The following MYOG variants were observed in gnomAD, a reference collection of about 807,000 sequenced individuals.
The protein encoded by MYOG is class C basic helix-loop-helix protein 3.
In MYOG, 6 loss-of-function variants were observed where a neutral mutation model predicts 17.7. That is an observed-to-expected ratio of 0.34 (90% confidence interval 0.19 to 0.67). The LOEUF (loss-of-function observed/expected upper bound fraction) is 0.67. Among genes scored for constraint, MYOG ranks in the 30% least tolerant of loss-of-function variants. The pLI is 0.69. For missense variants in MYOG, 272 were observed against 302.0 expected, an observed-to-expected ratio of 0.90 and a Z score of 0.74; for synonymous variants, 125 against 130.2, an observed-to-expected ratio of 0.96 and a Z score of 0.27.
chr1:203,084,100 T>TG, intron 2 of MYOG, 69 bp from the exon 3 acceptor site: 4 of 1,548,214 alleles, frequency 2.6e-6, no homozygotes, highest in Non-Finnish European at 3.5e-6. Context: ...GAATAGAGGA[T>TG]GGGACCCTTG....
Position 203,085,526 on chromosome 1 carries a change from G to T in MYOG, c.436C>A (p.Leu146Ile). 1 of 1,613,920 alleles carries T rather than the reference G, an allele frequency of 6.2e-7. No individual in the cohort carries two copies. The highest frequency in any genetic ancestry group is 1.1e-5 in the South Asian group (1 of 91,076). The stretch of plus-strand genomic sequence containing the variant: ...GGCCCGCCCCCGCCCCGGTAGCGGA[G>T]GTCACGCTCCTCCTGGTTGAGGGAG... ...LSSLNQEERD[L>I]RYRGGGGPQP... is the part of the protein sequence containing the mutation. Residue 146 changes from leucine (L) to isoleucine (I), a missense_variant, in exon 1 of 3, where the codon CTC becomes ATC. Leu to Ile is a conservative substitution (Grantham distance 5, BLOSUM62 2). Coordinates refer to ENST00000241651, the MANE Select transcript of MYOG (RefSeq NM_002479.6).
intron 1 of MYOG, 109 bp from the exon 2 acceptor site, chr1:203,084,837 C>T: frequency 8.6e-7 from 1 of 1,161,890 alleles, no homozygotes; most frequent in Non-Finnish European, 1.2e-6. Context: ...GAGGGTGGGC[C>T]ACAGGCTGTG....
chr1:203,085,256 C>CACCCCA (rs1558114698), intron 1 of MYOG, among the ~76,000 whole-genome samples: 1 of 152,204 alleles, frequency 6.6e-6, no homozygotes, highest in African/African-American at 2.4e-5. Context: ...CTATGTTCCC[C>CACCCCA]ACCCCAACCC....
rs1412450920 is a variant in MYOG, at chr1:203,083,337, A to G, written c.*573T>C. The G allele has an allele frequency of 5.0e-6, 1 of 199,720 alleles. No homozygotes were observed. Among genetic ancestry groups the G allele is most frequent in the East Asian group, 1.2e-4 (1 of 8,596 alleles). The allele number at this position is 199,720 out of a possible 1,614,324, so 12.4% of individuals were successfully genotyped here. ...GAGACCTTGGTCGGATGGCAGCTTTACAAACAACACACGAAACAAAACAAA... is the reference window on the plus strand; with the variant it reads ...GAGACCTTGGTCGGATGGCAGCTTTGCAAACAACACACGAAACAAAACAAA... On this transcript the variant is annotated 3_prime_UTR_variant, in exon 3 of 3. Transcript: ENST00000241651.
chr1:203,084,537 A>C, intron 2 of MYOG, 110 bp downstream of exon 2: 1 of 1,001,532 alleles, frequency 1.0e-6, no homozygotes, highest in Non-Finnish European at 1.5e-6. Flanking sequence ...AGGTCCCTAG[A>C]GAGACCCAAG....
Position 203,085,718 on chromosome 1 carries a change from G to A in MYOG, c.244C>T (p.Arg82Trp), listed in dbSNP as rs771392128. The change falls in exon 1 of 3, where the codon CGG becomes TGG. Residue 82 changes from arginine to tryptophan, a missense_variant. Transcript: ENST00000241651. ...TCCCTCAGTGTGGCCGCCCGCCGCC[G>A]GTCCACGGACACCGACTTCCTCTTA... is the stretch of plus-strand genomic sequence containing the variant. Reference protein sequence around the residue: ...VCKRKSVSVDRRRAATLREKR... With the variant: ...VCKRKSVSVDWRRAATLREKR... 2 of 1,613,986 alleles carry A rather than the reference G, an allele frequency of 1.2e-6. No homozygotes were observed. Among genetic ancestry groups the A allele is most frequent in the African/African-American group, 1.3e-5 (1 of 74,922 alleles).
In MYOG at chr1:203,083,976, G is replaced by A. The variant is rs745713682; in HGVS notation, c.609C>T (p.Ser203=). 1.3e-6 allele frequency: 2 copies of A among 1,593,390 alleles called. No individual in the cohort carries two copies. The highest frequency in any genetic ancestry group is 3.5e-5 in the Admixed American group (2 of 56,664). Residue 203 remains serine, a synonymous_variant, in exon 3 of 3, where the codon TCC becomes TCT. Coordinates refer to ENST00000241651, the MANE Select transcript of MYOG (RefSeq NM_002479.6). ...TDAHNLHSLT[S]IVDSITVEDV... is the part of the protein sequence containing the mutation. Reference sequence around the variant, plus strand: ...CTTCCACTGTGATGCTGTCCACGATGGAGGTGAGGGAGTGCAGGTTGTGGG... The same window carrying A: ...CTTCCACTGTGATGCTGTCCACGATAGAGGTGAGGGAGTGCAGGTTGTGGG...
chr1:203,083,183 CAAAA>C lies in MYOG; in HGVS notation c.*723_*726del, dbSNP rs71142588. Reference sequence around the variant, plus strand: ...AAAAAAGGAAATCCAAATAAGTTAGCAAAAAAAAAAAAAAAAAAAAAAAATACAA... The same window carrying C: ...AAAAAAGGAAATCCAAATAAGTTAGCAAAAAAAAAAAAAAAAAAAATACAA... On this transcript the variant is annotated 3_prime_UTR_variant, in exon 3 of 3. Transcript: ENST00000241651. The C allele has an allele frequency of 0.19, 18,472 of 99,780 alleles. 1,369 individuals carry two copies. Among genetic ancestry groups the C allele is most frequent in the South Asian group, 0.34 (1,008 of 2,956 alleles). The allele number at this position is 99,780 out of a possible 1,614,324, so 6.2% of individuals were successfully genotyped here.
In MYOG at chr1:203,083,871, TTG is replaced by T. The variant is rs1558114130; in HGVS notation, c.*37_*38del. ...AGAAGTAGTGGCATCTGTGGCCAGCTTGGGGGGCTCGCAAGGATGCCCGGCTT... is the reference window on the plus strand; with the variant it reads ...AGAAGTAGTGGCATCTGTGGCCAGCTGGGGGCTCGCAAGGATGCCCGGCTT... On this transcript the variant is annotated 3_prime_UTR_variant, in exon 3 of 3. Coordinates refer to ENST00000241651, the MANE Select transcript of MYOG (RefSeq NM_002479.6). 6.4e-7 allele frequency: 1 copy of T among 1,573,836 alleles called. No homozygotes were observed. The highest frequency in any genetic ancestry group is 1.9e-5 in the Admixed American group (1 of 53,434).
chr1:203,085,618 C>T lies in MYOG; in HGVS notation c.344G>A (p.Arg115Gln), dbSNP rs763960867. Reference protein sequence around the residue: ...KRSTLLNPNQRLPKVEILRSA... With the variant: ...KRSTLLNPNQQLPKVEILRSA... ...GCGCAGGATCTCCACCTTGGGCAGC[C>T]GCTGGTTGGGGTTGAGCAGGGTGCT... The change falls in exon 1 of 3, where the codon CGG (arginine) becomes CAG (glutamine). Residue 115 changes from arginine (R) to glutamine (Q), a missense_variant. Transcript: ENST00000241651. 19 of 1,614,034 alleles carry T rather than the reference C, an allele frequency of 1.2e-5. No individual in the cohort carries two copies. Among genetic ancestry groups the T allele is most frequent in the Middle Eastern group, 1.6e-4 (1 of 6,084 alleles).
intron 1 of MYOG, 83 bp from the exon 2 acceptor site, chr1:203,084,811 A>G: frequency 7.2e-7 from 1 of 1,396,578 alleles, no homozygotes. Flanking sequence ...GGGCAGAAGT[A>G]CCTGTGGTGG....
intron 2 of MYOG, among the ~76,000 whole-genome samples, 160 bp from the exon 3 acceptor site, chr1:203,084,191 TGTGA>T (rs1302916209): frequency 6.1e-5 from 7 of 115,006 alleles, no homozygotes; most frequent in African/African-American, 2.3e-4. Flanking sequence ...CCCCATGCTC[TGTGA>T]GTGTGTGTGT....
chr1:203,085,457 C>T, intron 1 of MYOG, 34 bp downstream of exon 1: 1 of 1,573,718 alleles, frequency 6.4e-7, no homozygotes, highest in Non-Finnish European at 8.6e-7. Flanking sequence ...CTGGCCCCGT[C>T]CCCTTGGGGC....
intron 2 of MYOG, 119 bp from the exon 3 acceptor site, chr1:203,084,150 T>C: frequency 7.6e-7 from 1 of 1,315,282 alleles, no homozygotes; most frequent in Non-Finnish European, 1.0e-6. Flanking sequence ...ATGACAAAGC[T>C]CCGGAGTTCT....
In MYOG at chr1:203,084,195, A is replaced by AGTGTGTGTGTGTGTGTGTGTGTGT. The variant is rs3835486; in HGVS notation, c.554-188_554-165dup. ...TCCCTGCCTTTCCCCATGCTCTGTG[A>AGTGTGTGTGTGTGTGTGTGTGTGT]GTGTGTGTGTGTGTGTGTGTGTGTG... On this transcript the variant is annotated intron_variant, in intron 2 of 2. Transcript: ENST00000241651. Among the ~76,000 whole-genome samples, 603 of 135,474 alleles carry AGTGTGTGTGTGTGTGTGTGTGTGT rather than the reference A, an allele frequency of 4.5e-3. 26 individuals carry two copies. The highest frequency in any genetic ancestry group is 0.012 in the Admixed American group (166 of 13,434). 88.9% of individuals were successfully genotyped at this position (135,474 alleles called of 152,430 possible). A position where few individuals can be genotyped will look rare whatever the true frequency, so the allele number is the denominator to read the frequency against.
Position 203,085,546 on chromosome 1 carries a change from A to G in MYOG, c.416T>C (p.Leu139Pro). 1 of 1,614,038 alleles carries G rather than the reference A, an allele frequency of 6.2e-7. No homozygotes were observed. The highest frequency in any genetic ancestry group is 8.5e-7 in the Non-Finnish European group (1 of 1,179,946). The part of the protein sequence containing the change: ...IERLQALLSS[L>P]NQEERDLRYR... ...GCGGAGGTCACGCTCCTCCTGGTTG[A>G]GGGAGCTGAGCAGGGCCTGGAGGCG... The change falls in exon 1 of 3, where the codon CTC becomes CCC. Residue 139 changes from leucine to proline, a missense_variant. Physicochemically the swap from Leu to Pro is moderately conservative, Grantham distance 98. Transcript: ENST00000241651.
chr1:203,084,195 AGTGTGTGTGTGTGT>A (rs3835486), intron 2 of MYOG, among the ~76,000 whole-genome samples, 164 bp from the exon 3 acceptor site: 1 of 135,494 alleles, frequency 7.4e-6, no homozygotes, highest in Non-Finnish European at 1.6e-5. Flanking sequence ...ATGCTCTGTG[AGTGTGTGTGTGTGT>A]GTGTGTGTGT....
chr1:203,085,508 C>T lies in MYOG; in HGVS notation c.454G>A (p.Gly152Ser). The T allele has an allele frequency of 6.2e-7, 1 of 1,613,134 alleles. No homozygotes were observed. The highest frequency in any genetic ancestry group is 8.5e-7 in the Non-Finnish European group (1 of 1,179,416). The change falls in exon 1 of 3, where the codon GGC (glycine) becomes AGC (serine). Residue 152 changes from glycine (G) to serine (S), a missense_variant. By Grantham distance (56) the Gly-to-Ser change is moderately conservative. Coordinates refer to ENST00000241651, the MANE Select transcript of MYOG (RefSeq NM_002479.6). ...EERDLRYRGG[G>S]GPQPGVPSEC... is the part of the protein sequence containing the mutation. ...CCACTTACCCCTGGCTGGGGCCCGC[C>T]CCCGCCCCGGTAGCGGAGGTCACGC... is the stretch of plus-strand genomic sequence containing the variant.
chr1:203,084,736 A>G lies in MYOG; in HGVS notation c.472-8T>C. ...GCTGCATTCGCTGGGCACCTGCAAG[A>G]CAGGGCGAAGGCCCAAGGTCGGGGC... On this transcript the variant is annotated splice_polypyrimidine_tract_variant and splice_region_variant and intron_variant, in intron 1 of 2. Transcript: ENST00000241651. The G allele has an allele frequency of 6.2e-7, 1 of 1,603,464 alleles. No individual in the cohort carries two copies. Among genetic ancestry groups the G allele is most frequent in the African/African-American group, 1.3e-5 (1 of 74,780 alleles).
Sources: gnomAD v4.1 joint callset for allele counts (sites outside exome capture counted in the v4.1 genomes callset) on GRCh38, gnomAD v4.1.1 for gene constraint, MANE v1.5 for transcripts, NCBI Gene and HGNC (gene_info 2026-07-23, HGNC 2026-07-21) for gene names.